Variants in ZNF496 observed in about 807,000 individuals in gnomAD.
The protein encoded by ZNF496 is NSD1 (nuclear receptor binding SET-domain containing 1)-interacting zinc finger protein 1.
A neutral mutation model predicts 58.9 loss-of-function variants in ZNF496; 11 were observed. The ratio of observed to expected loss-of-function variants is 0.19; its 90% confidence interval spans 0.12 to 0.31. ZNF496 has a LOEUF of 0.31. ZNF496 is among the 10% of genes least tolerant of loss of function. The pLI is 1.00. For missense variants in ZNF496, 660 were observed against 783.0 expected (o/e 0.84, Z 1.88); for synonymous variants, 338 against 318.2 (o/e 1.06, Z -0.66).
chr1:247,307,168 T>C (rs1038333038), intron 9 of ZNF496: 1 of 985,404 alleles, frequency 1.0e-6, no homozygotes, highest in African/African-American at 1.7e-5. Flanking sequence ...GGCATGGATA[T>C]AGAGAAGCAG....
chr1:247,327,780 A>T (rs200419992), intron 5 of ZNF496, among the ~76,000 whole-genome samples: 1 of 76,704 alleles, frequency 1.3e-5, no homozygotes, highest in Non-Finnish European at 2.8e-5. Context: ...ATAGAGCACT[A>T]TGGCAAGTCC....
intron 6 of ZNF496, chr1:247,311,971 TG>T (rs1392340859): frequency 6.6e-6 from 1 of 152,250 alleles, no homozygotes; most frequent in Non-Finnish European, 1.5e-5. Flanking sequence ...AGAGCCCTGA[TG>T]ATTTCTGAAT....
intron 6 of ZNF496, chr1:247,312,390 A>C (rs1659628809): frequency 6.6e-6 from 1 of 152,182 alleles, no homozygotes; most frequent in Non-Finnish European, 1.5e-5. Flanking sequence ...TTTACTGTTC[A>C]CATTTTTACC....
Position 247,308,462 on chromosome 1 carries a change from G to A in ZNF496, c.1006+13C>T. 6.2e-7 allele frequency: 1 copy of A among 1,612,090 alleles called. No individual in the cohort carries two copies. Among genetic ancestry groups the A allele is most frequent in the East Asian group, 2.2e-5 (1 of 44,862 alleles). On this transcript the variant is annotated intron_variant, in intron 9 of 9. Coordinates refer to ENST00000682384, the MANE Select transcript of ZNF496 (RefSeq NM_032752.3). This position sits in a 1 kb window ranked among gnomAD's most constrained non-coding sequence, Gnocchi z 4.5. ...CACAGGGACAAACCCATACCTCCCT[G>A]ACCCTTCTTTACCTGGGTAGGTGTT... is the stretch of plus-strand genomic sequence containing the variant.
Position 247,308,756 on chromosome 1 carries a change from C to T in ZNF496, c.893-168G>A, listed in dbSNP as rs1359811694. The T allele has an allele frequency of 1.7e-6, 1 of 599,350 alleles. No homozygotes were observed. Among genetic ancestry groups the T allele is most frequent in the Non-Finnish European group, 2.9e-6 (1 of 340,610 alleles). The allele number at this position is 599,350 out of a possible 1,614,324, so 37.1% of individuals were successfully genotyped here. A position where few individuals can be genotyped will look rare whatever the true frequency, so the allele number is the denominator to read the frequency against. ...AATAAGTGTCTGCTGAGTGAATGAA[C>T]CTGAAGGCAAAATGGGCCAACTCCA... On this transcript the variant is annotated intron_variant, in intron 8 of 9. Transcript: ENST00000682384. This position sits in a 1 kb window ranked among gnomAD's most constrained non-coding sequence, Gnocchi z 4.5.
chr1:247,322,914 T>C, intron 6 of ZNF496: 2 of 804,276 alleles, frequency 2.5e-6, no homozygotes, highest in Non-Finnish European at 3.7e-6. Flanking sequence ...TGCTATCGTC[T>C]GCACAAAGCT....
chr1:247,316,133 G>GGGGTGT (rs1659758366), intron 6 of ZNF496, among the ~76,000 whole-genome samples: 1 of 84,698 alleles, frequency 1.2e-5, no homozygotes, highest in Admixed American at 1.4e-4. Flanking sequence ...TCCTGGGAGA[G>GGGGTGT]GGGTGTGTGT....
At chr1:247,322,878 A>G (rs984503391) in intron 6 of ZNF496, 43 of 956,156 alleles carry the variant, frequency 4.5e-5, no homozygotes, top group Non-Finnish European at 5.9e-5. Context: ...AGGCCCATCA[A>G]TGGGGACTCA....
Position 247,308,718 on chromosome 1 carries a change from G to C in ZNF496, c.893-130C>G. 1 of 802,588 alleles carries C rather than the reference G, an allele frequency of 1.2e-6. No individual in the cohort carries two copies. Among genetic ancestry groups the C allele is most frequent in the Non-Finnish European group, 2.0e-6 (1 of 504,122 alleles). 49.7% of individuals were successfully genotyped at this position (802,588 alleles called of 1,614,324 possible). On this transcript the variant is annotated intron_variant, in intron 8 of 9. Transcript: ENST00000682384. The surrounding 1 kb of genome is among the most constrained non-coding windows in gnomAD (Gnocchi z 4.5). The stretch of plus-strand genomic sequence containing the variant: ...TGGGCTCCGTCCTGGGGACTGGCAG[G>C]GGGTGGCCACTCAATAAGTGTCTGC...
intron 6 of ZNF496, chr1:247,313,473 G>A (rs1327605835): frequency 1.3e-5 from 2 of 152,274 alleles, no homozygotes; most frequent in Admixed American, 6.5e-5. Context: ...CTACCTGGCT[G>A]GGTGGCCAAG....
At chr1:247,318,034 T>C (rs1572085916) in intron 6 of ZNF496, among the ~76,000 whole-genome samples, 2 of 152,042 alleles carry the variant, frequency 1.3e-5, no homozygotes, top group South Asian at 4.1e-4. Context: ...GCAAAGAAAC[T>C]GAAGATACAG....
In ZNF496 at chr1:247,309,894, G is replaced by T; in HGVS notation, c.785-88C>A. ...TGGTCCAGAAGAGAGAAGGCGGAGG[G>T]ATGCCCAGCGGGCATGGCACCATCA... On this transcript the variant is annotated intron_variant, in intron 7 of 9. Coordinates refer to ENST00000682384, the MANE Select transcript of ZNF496 (RefSeq NM_032752.3). This position sits in a 1 kb window ranked among gnomAD's most constrained non-coding sequence, Gnocchi z 4.3. The T allele has an allele frequency of 6.7e-7, 1 of 1,485,946 alleles. No individual in the cohort carries two copies. Among genetic ancestry groups the T allele is most frequent in the Non-Finnish European group, 9.2e-7 (1 of 1,090,462 alleles). 92.0% of individuals were successfully genotyped at this position (1,485,946 alleles called of 1,614,324 possible). A position where few individuals can be genotyped will look rare whatever the true frequency, so the allele number is the denominator to read the frequency against.
At chr1:247,317,570 G>A (rs1481153885) in intron 6 of ZNF496, among the ~76,000 whole-genome samples, 1 of 150,386 alleles carries the variant, frequency 6.6e-6, no homozygotes, top group Non-Finnish European at 1.5e-5. Flanking sequence ...CTAAGAACAA[G>A]CCCCCCCCCC....
intron 6 of ZNF496, among the ~76,000 whole-genome samples, chr1:247,319,978 A>G (rs1659910187): frequency 6.6e-6 from 1 of 152,222 alleles, no homozygotes; most frequent in African/African-American, 2.4e-5. Context: ...TTCAGATATA[A>G]TAATATAAGC....
rs770379051 is a variant in ZNF496 at position 247,309,704 on chromosome 1, T to A, written c.887A>T (p.Tyr296Phe). ...GTTCTGGAATCATTACTCACCCAAG[T>A]AGGAGACCTGGGGCACTTCTTTGCC... ...LQGKEVPQVS[Y>F]LDSPSLQPFQ... The change falls in exon 8 of 10, where the codon TAC becomes TTC. Residue 296 changes from tyrosine (Y) to phenylalanine (F), a missense_variant. Physicochemically the swap from Tyr to Phe is conservative, Grantham distance 22 (BLOSUM62 3). Coordinates refer to ENST00000682384, the MANE Select transcript of ZNF496 (RefSeq NM_032752.3). This position sits in a 1 kb window ranked among gnomAD's most constrained non-coding sequence, Gnocchi z 4.3. 6.2e-7 allele frequency: 1 copy of A among 1,614,148 alleles called. No homozygotes were observed. The highest frequency in any genetic ancestry group is 1.7e-5 in the Admixed American group (1 of 60,016).
intron 9 of ZNF496, 81 bp from the exon 10 acceptor site, chr1:247,301,357 G>A (rs1158727667): frequency 1.4e-6 from 2 of 1,462,086 alleles, no homozygotes; most frequent in African/African-American, 1.4e-5. Context: ...GGAACACTCA[G>A]CTTGGAGTTT....
At chr1:247,306,198 C>CTT (rs527869314) in intron 9 of ZNF496, among the ~76,000 whole-genome samples, 3 of 142,118 alleles carry the variant, frequency 2.1e-5, no homozygotes, top group African/African-American at 2.6e-5. Context: ...GAGTTCAAAT[C>CTT]TTTTTTTTTT....
chr1:247,326,655 T>C (rs762755754), intron 5 of ZNF496, among the ~76,000 whole-genome samples: 1 of 152,202 alleles, frequency 6.6e-6, no homozygotes, highest in African/African-American at 2.4e-5. Context: ...GGCTAAGTTA[T>C]GGCCCTCTCA....
chr1:247,329,274 A>G lies in ZNF496; in HGVS notation c.305T>C (p.Val102Ala). 1 of 1,613,536 alleles carries G rather than the reference A, an allele frequency of 6.2e-7. No homozygotes were observed. Among genetic ancestry groups the G allele is most frequent in the Non-Finnish European group, 8.5e-7 (1 of 1,179,990 alleles). ...AILPREIQSW[V>A]RAQEPESGEQ... The stretch of plus-strand genomic sequence containing the variant: ...TCCGCTCTCAGGCTCCTGCGCCCGC[A>G]CCCAGCTCTGGATCTCCCGGGGCAG... The change falls in exon 4 of 10, where the codon GTG becomes GCG. Residue 102 changes from valine to alanine, a missense_variant. Transcript: ENST00000682384. The surrounding 1 kb of genome is among the most constrained non-coding windows in gnomAD (Gnocchi z 5.5).
Sources: gnomAD v4.1 joint callset for allele counts (sites outside exome capture counted in the v4.1 genomes callset) on GRCh38, gnomAD v4.1.1 for gene constraint, Gnocchi (gnomAD v3.1) non-coding constraint, MANE v1.5 for transcripts, NCBI Gene and HGNC (gene_info 2026-07-23, HGNC 2026-07-21) for gene names.